Variants in TMCO5A observed in about 807,000 individuals in gnomAD.
TMCO5A encodes transmembrane and coiled-coil domains 5A, also known as transmembrane and coiled-coil domain-containing protein 5A.
TMCO5A carries 34 observed loss-of-function variants against 42.3 expected under a neutral mutation model. The ratio of observed to expected loss-of-function variants is 0.80; its 90% CI spans 0.61 to 1.07. The LOEUF (loss-of-function observed/expected upper bound fraction) is 1.07, where lower values mean the gene tolerates loss of function less well. Among genes scored for constraint, TMCO5A ranks in the 50% least tolerant of loss-of-function variants. The probability of loss-of-function intolerance (pLI) is 0.00; values close to 1 mark genes in which losing one functional copy is unlikely to be tolerated. For missense variants in TMCO5A, 357 were observed against 327.9 expected (o/e 1.09, Z -0.69); for synonymous variants, 131 against 115.6 (o/e 1.13, Z -0.86).
At chr15:37,991,005 A>G in the TMCO5A span, among the ~76,000 whole-genome samples, 1 of 152,092 alleles carries the variant, frequency 6.6e-6, no homozygotes, top group African/African-American at 2.4e-5. Context: ...CATCAATTTT[A>G]TAAACTATTT....
At chr15:37,985,021 T>C in the TMCO5A span, among the ~76,000 whole-genome samples, 2 of 148,764 alleles carry the variant, frequency 1.3e-5, no homozygotes, top group Non-Finnish European at 3.0e-5. Context: ...ATTCCACAAA[T>C]ACTAGAAGAA....
At chr15:38,000,795 A>G in the TMCO5A span, among the ~76,000 whole-genome samples, 1 of 151,954 alleles carries the variant, frequency 6.6e-6, no homozygotes, top group Non-Finnish European at 1.5e-5. Context: ...ACTGTTTACC[A>G]GTGTTTGTAC....
chr15:37,984,448 A>G, the TMCO5A span, among the ~76,000 whole-genome samples: 1 of 152,206 alleles, frequency 6.6e-6, no homozygotes, highest in South Asian at 2.1e-4. Flanking sequence ...TTTTCTAAAC[A>G]GCGCTGCAAC....
chr15:37,987,904 A>C, the TMCO5A span, among the ~76,000 whole-genome samples: 1 of 152,016 alleles, frequency 6.6e-6, no homozygotes, highest in African/African-American at 2.4e-5. Flanking sequence ...AAAAAAAGTC[A>C]TTGGGATTTT....
the TMCO5A span, among the ~76,000 whole-genome samples, chr15:37,998,116 G>C: frequency 6.8e-6 from 1 of 147,852 alleles, no homozygotes; most frequent in African/African-American, 2.4e-5. Context: ...TGTCAGATAA[G>C]TAGCTTACAA....
the TMCO5A span, among the ~76,000 whole-genome samples, chr15:38,028,499 A>C: frequency 2.6e-5 from 4 of 152,202 alleles, no homozygotes; most frequent in Non-Finnish European, 5.9e-5. Context: ...GTTGGTGCTG[A>C]TGTTCCATTC....
chr15:37,998,189 A>G, the TMCO5A span, among the ~76,000 whole-genome samples: 1 of 152,114 alleles, frequency 6.6e-6, no homozygotes, highest in Non-Finnish European at 1.5e-5. Flanking sequence ...TGCTCTGTAG[A>G]AGCTTTTTAA....
chr15:37,985,054 GAA>G, the TMCO5A span, among the ~76,000 whole-genome samples: 20 of 141,092 alleles, frequency 1.4e-4, no homozygotes, highest in African/African-American at 4.4e-4. Context: ...AATGTTCAGG[GAA>G]AAAAAAAAAA....
chr15:37,990,119 T>C, the TMCO5A span, among the ~76,000 whole-genome samples: 154 of 152,216 alleles, frequency 1.0e-3, no homozygotes, highest in African/African-American at 3.7e-3. Flanking sequence ...AATAAAGTGT[T>C]CTGTATATGT....
At chr15:37,948,499 A>C (rs1321651739) in intron 11 of TMCO5A, among the ~76,000 whole-genome samples, 1 of 152,096 alleles carries the variant, frequency 6.6e-6, no homozygotes. Context: ...TACATCTTTC[A>C]ATATTCCTGA....
intron 4 of TMCO5A, 146 bp from the exon 5 acceptor site, chr15:37,937,200 G>A (rs1241135553): frequency 2.7e-6 from 3 of 1,115,254 alleles, no homozygotes; most frequent in African/African-American, 3.1e-5. Flanking sequence ...TTCACCTGTG[G>A]TTTGATTTCA....
chr15:38,019,628 C>T, the TMCO5A span, among the ~76,000 whole-genome samples: 1 of 152,100 alleles, frequency 6.6e-6, no homozygotes, highest in East Asian at 1.9e-4. Flanking sequence ...TTTCTTAAGA[C>T]ACAGGGTCTC....
the TMCO5A span, among the ~76,000 whole-genome samples, chr15:37,990,403 T>C: frequency 6.6e-6 from 1 of 152,130 alleles, no homozygotes; most frequent in Admixed American, 6.6e-5. Flanking sequence ...TGAAGTCAAT[T>C]TTGCCAGATA....
chr15:37,974,879 T>A, the TMCO5A span, among the ~76,000 whole-genome samples: 1 of 152,202 alleles, frequency 6.6e-6, no homozygotes, highest in South Asian at 2.1e-4. Flanking sequence ...GGGCATTTAA[T>A]GCTATAAATT....
chr15:38,014,114 C>A, the TMCO5A span, among the ~76,000 whole-genome samples: 2 of 152,088 alleles, frequency 1.3e-5, no homozygotes, highest in Admixed American at 1.3e-4. Context: ...AGAATAATTC[C>A]CTCACCTCAA....
chr15:37,973,666 G>A, the TMCO5A span, among the ~76,000 whole-genome samples: 1 of 152,138 alleles, frequency 6.6e-6, no homozygotes, highest in Non-Finnish European at 1.5e-5. Flanking sequence ...GAGCTTCTGG[G>A]CTGAGACTAT....
At chr15:37,956,008 C>T (rs548455956), downstream of TMCO5A, among the ~76,000 whole-genome samples, 5 of 151,982 alleles carry the variant, frequency 3.3e-5, no homozygotes, top group Non-Finnish European at 7.4e-5. Context: ...GGGTAAATAA[C>T]GAAATGAAGG....
intron 9 of TMCO5A, 41 bp from the exon 10 acceptor site, chr15:37,943,299 GT>G (rs1370707532): frequency 1.3e-6 from 2 of 1,590,960 alleles, no homozygotes; most frequent in Non-Finnish European, 1.7e-6. Context: ...GAATATTTCA[GT>G]GCACTTTGTT....
At chr15:37,997,772 T>C in the TMCO5A span, among the ~76,000 whole-genome samples, 6 of 152,358 alleles carry the variant, frequency 3.9e-5, no homozygotes, top group African/African-American at 1.2e-4. Context: ...TTTTAGCGTT[T>C]TGAGAAACTT....
Sources: gnomAD v4.1 joint callset for allele counts (sites outside exome capture counted in the v4.1 genomes callset) on GRCh38, gnomAD v4.1.1 for gene constraint, MANE v1.5 for transcripts, NCBI Gene and HGNC (gene_info 2026-07-23, HGNC 2026-07-21) for gene names.